The following DMD variants were observed in gnomAD, a reference collection of about 807,000 sequenced individuals.
DMD encodes dystrophin.
In DMD, 63 loss-of-function variants were observed where a neutral mutation model predicts 330.1. The observed-to-expected ratio is 0.19, with a 90% CI of 0.16 to 0.24. The LOEUF (loss-of-function observed/expected upper bound fraction) is 0.24. Among genes scored for constraint, DMD ranks in the 10% least tolerant of loss-of-function variants. The probability of loss-of-function intolerance (pLI) is 1.00; values close to 1 mark genes in which losing one functional copy is unlikely to be tolerated. For missense variants in DMD, 3,344 were observed against 2,684.1 expected, an observed-to-expected ratio of 1.25 and a Z score of -5.43; for synonymous variants, 1,223 against 959.8, an observed-to-expected ratio of 1.27 and a Z score of -5.07.
At chrX:31,516,865 T>C (rs1301505043) in intron 55 of DMD, among the ~76,000 whole-genome samples, 2 of 111,597 alleles carry the variant, frequency 1.8e-5, no homozygotes, top group Non-Finnish European at 3.8e-5. Flanking sequence ...TTTCAAAATC[T>C]AATCTTTAAA....
intron 8 of DMD, 100 bp downstream of exon 8, chrX:32,699,012 G>A: frequency 2.8e-6 from 2 of 720,932 alleles, no homozygotes; most frequent in Non-Finnish European, 4.3e-6. Flanking sequence ...ATATACACGT[G>A]TATATACATA....
chrX:31,988,853 G>A (rs922449556), intron 44 of DMD, among the ~76,000 whole-genome samples: 5 of 110,623 alleles, frequency 4.5e-5, no homozygotes, highest in African/African-American at 6.6e-5. Context: ...GGCTCATTAC[G>A]AATCTGGAGA....
chrX:33,248,466 A>C (rs1399983117), intron 1 of DMD, among the ~76,000 whole-genome samples: 2 of 112,566 alleles, frequency 1.8e-5, no homozygotes, highest in Non-Finnish European at 3.7e-5. Flanking sequence ...CAAGTTTCAC[A>C]GATAGGAGTA....
intron 29 of DMD, chrX:32,412,166 A>G (rs2098145357): frequency 1.8e-6 from 2 of 1,119,276 alleles, no homozygotes; most frequent in Non-Finnish European, 2.4e-6. Flanking sequence ...ACGTACATTA[A>G]GGAAATAGGC....
At chrX:31,591,581 T>C (rs770913240) in intron 55 of DMD, among the ~76,000 whole-genome samples, 28 of 111,517 alleles carry the variant, frequency 2.5e-4, no homozygotes, top group Non-Finnish European at 4.7e-4. Context: ...ATAAATTGCA[T>C]TGCCAATTTA....
intron 44 of DMD, among the ~76,000 whole-genome samples, chrX:32,083,399 C>T (rs1009321483): frequency 9.1e-6 from 1 of 110,158 alleles, no homozygotes; most frequent in African/African-American, 3.3e-5. Flanking sequence ...CTGGGACTAC[C>T]GGCACATGCC....
In DMD at chrX:32,009,871, C is replaced by G. The variant is rs1433996478; in HGVS notation, c.6439-41357G>C. On this transcript the variant is annotated intron_variant, in intron 44 of 78. Coordinates refer to ENST00000357033, the MANE Select transcript of DMD (RefSeq NM_004006.3). ...CCACATGGTGATAAAAATAGGGAAA[C>G]CATGATAAAATCCAGCTCAACTAGG... is the stretch of plus-strand genomic sequence containing the variant. Among the ~76,000 whole-genome samples the G allele has an allele frequency of 5.4e-5, 6 of 112,042 alleles. No homozygotes were observed. In the Admixed American group the frequency reaches 5.7e-4, roughly 11 times the overall value.
intron 9 of DMD, among the ~76,000 whole-genome samples, chrX:32,663,401 A>C (rs968644784): frequency 2.7e-5 from 3 of 112,104 alleles, no homozygotes; most frequent in Non-Finnish European, 5.6e-5. Context: ...TGAACAAATA[A>C]TAAAAAAACT....
At chrX:31,821,669 C>T (rs1338170845) in intron 49 of DMD, among the ~76,000 whole-genome samples, 1 of 112,218 alleles carries the variant, frequency 8.9e-6, no homozygotes, top group African/African-American at 3.2e-5. Context: ...TAGTTCATTA[C>T]AAGCAGCAAT....
chrX:33,167,944 T>A (rs1327739536), intron 1 of DMD, among the ~76,000 whole-genome samples: 1 of 111,244 alleles, frequency 9.0e-6, no homozygotes, highest in East Asian at 2.8e-4. Flanking sequence ...ATAAAGTGCT[T>A]AGAAAAAATG....
chrX:32,741,670 G>T (rs1449317154), intron 7 of DMD, among the ~76,000 whole-genome samples: 2 of 111,704 alleles, frequency 1.8e-5, no homozygotes, highest in African/African-American at 3.3e-5. Flanking sequence ...TTTTGTGTTT[G>T]TACAAATGTG....
At chrX:32,516,884 G>A (rs995394503) in intron 18 of DMD, 1 of 111,428 alleles carries the variant, frequency 9.0e-6, no homozygotes, top group Non-Finnish European at 1.9e-5. Context: ...CTATTATAAT[G>A]CTGACAACAG....
At chrX:31,270,760 C>T (rs1341726406) in intron 62 of DMD, among the ~76,000 whole-genome samples, 1 of 111,782 alleles carries the variant, frequency 8.9e-6, no homozygotes, top group Non-Finnish European at 1.9e-5. Flanking sequence ...TTAGAAAAAT[C>T]ACTCAGGCAA....
In DMD at chrX:31,367,434, G is replaced by A. The variant is rs1169284001; in HGVS notation, c.9085-18800C>T. Among the ~76,000 whole-genome samples, 5 of 110,543 alleles carry A rather than the reference G, an allele frequency of 4.5e-5. No individual in the cohort carries two copies. In the East Asian group the frequency reaches 8.5e-4, roughly 19 times the overall value. On this transcript the variant is annotated intron_variant, in intron 60 of 78. Transcript: ENST00000357033. ...GCTCGAGGAAGGATTCAACATTTCC[G>A]GAGAACCTAGCATTTTCCCTCAGAA...
At chrX:32,001,650 G>T (rs2095627737) in intron 44 of DMD, among the ~76,000 whole-genome samples, 1 of 111,263 alleles carries the variant, frequency 9.0e-6, no homozygotes. Context: ...TGTCTTCAAT[G>T]ATATTTTTGA....
At chrX:33,311,987 A>G (rs1158972666) in intron 1 of DMD, among the ~76,000 whole-genome samples, 1 of 110,776 alleles carries the variant, frequency 9.0e-6, no homozygotes, top group African/African-American at 3.3e-5. Flanking sequence ...AGAAAATCAA[A>G]TGATGAAAAA....
At chrX:32,707,949 C>T (rs1340769226) in intron 7 of DMD, among the ~76,000 whole-genome samples, 2 of 112,027 alleles carry the variant, frequency 1.8e-5, no homozygotes, top group Admixed American at 9.5e-5. Flanking sequence ...CTGCGGTTTT[C>T]GTGCTTTGCT....
chrX:32,491,170 T>A (rs1438636345), intron 20 of DMD, 107 bp downstream of exon 20: 1 of 1,018,962 alleles, frequency 9.8e-7, no homozygotes, highest in African/African-American at 1.8e-5. Context: ...AGCTAAATCC[T>A]TAGAAGGTGA....
At chrX:31,744,057 A>G (rs1479678915) in intron 51 of DMD, among the ~76,000 whole-genome samples, 1 of 110,790 alleles carries the variant, frequency 9.0e-6, no homozygotes, top group Non-Finnish European at 1.9e-5. Flanking sequence ...TTTTAAAGAC[A>G]GGGTCTCACT....
Sources: allele counts gnomAD v4.1 joint callset (sites outside exome capture counted in the v4.1 genomes callset), GRCh38; gene constraint gnomAD v4.1.1; transcripts MANE v1.5; gene names NCBI Gene and HGNC (gene_info 2026-07-23, HGNC 2026-07-21).